The following RNF212B variants were observed in gnomAD, a reference collection of about 807,000 sequenced individuals.
RNF212B encodes the protein E3 ubiquitin-protein ligase RNF212B.
In RNF212B, 52 loss-of-function variants were observed where a neutral mutation model predicts 55.5. The ratio of observed to expected loss-of-function variants is 0.94; its 90% CI spans 0.75 to 1.18. The LOEUF is 1.18. RNF212B is among the 50% of genes most tolerant of loss of function. The pLI is 0.00. For missense variants in RNF212B, 289 were observed against 350.4 expected, an observed-to-expected ratio of 0.82 and a Z score of 1.40; for synonymous variants, 99 against 121.4, an observed-to-expected ratio of 0.82 and a Z score of 1.21.
intron 2 of RNF212B, among the ~76,000 whole-genome samples, chr14:23,209,916 G>A (rs186744014): frequency 3.1e-4 from 47 of 152,278 alleles, no homozygotes; most frequent in African/African-American, 1.1e-3. Context: ...ACTTTGGGAG[G>A]CCGAGGTGGG....
At chr14:23,263,021 A>C in intron 9 of RNF212B, 51 bp downstream of exon 9, 1 of 1,444,488 alleles carries the variant, frequency 6.9e-7, no homozygotes, top group Non-Finnish European at 9.5e-7. Flanking sequence ...GGAAGATAGA[A>C]GAAATATCTA....
intron 1 of RNF212B, among the ~76,000 whole-genome samples, chr14:23,240,025 C>T (rs1407360138): frequency 6.9e-6 from 1 of 144,984 alleles, no homozygotes; most frequent in Non-Finnish European, 1.5e-5. Context: ...CACTCATAAC[C>T]TCACCACTCA....
chr14:23,202,023 G>A (rs928607265), intron 2 of RNF212B, among the ~76,000 whole-genome samples: 1 of 152,090 alleles, frequency 6.6e-6, no homozygotes, highest in East Asian at 1.9e-4. Flanking sequence ...GGCCGAGGTG[G>A]GTGGACTGCT....
At chr14:23,189,335 G>T (rs1877893813) in intron 1 of RNF212B, among the ~76,000 whole-genome samples, 1 of 152,102 alleles carries the variant, frequency 6.6e-6, no homozygotes, top group Non-Finnish European at 1.5e-5. Flanking sequence ...AAATGAATGT[G>T]CTGTCTGTGT....
chr14:23,223,150 C>T (rs8017619), intron 2 of RNF212B, among the ~76,000 whole-genome samples: 8,680 of 151,712 alleles, frequency 0.057, 296 homozygotes, highest in South Asian at 0.076. Flanking sequence ...AATCAATATA[C>T]GTCGTACATC....
intron 2 of RNF212B, among the ~76,000 whole-genome samples, chr14:23,226,276 G>A (rs181293362): frequency 0.01 from 1,271 of 124,266 alleles, 24 homozygotes; most frequent in African/African-American, 0.036. Context: ...TAGCCTGGGC[G>A]ACAGAGCAAG....
intron 6 of RNF212B, 129 bp from the exon 7 acceptor site, chr14:23,260,530 T>C: frequency 1.3e-6 from 1 of 781,974 alleles, no homozygotes; most frequent in Non-Finnish European, 2.2e-6. Flanking sequence ...CTACTTTTCC[T>C]CCTACTGGGA....
chr14:23,224,776 T>A (rs878868591), intron 2 of RNF212B, among the ~76,000 whole-genome samples: 2 of 152,168 alleles, frequency 1.3e-5, no homozygotes, highest in African/African-American at 4.8e-5. Context: ...GTTAAAAAGC[T>A]TCTGCACAGC....
chr14:23,208,663 G>C (rs1880100042), intron 2 of RNF212B, among the ~76,000 whole-genome samples: 1 of 151,784 alleles, frequency 6.6e-6, no homozygotes, highest in Non-Finnish European at 1.5e-5. Context: ...GGGTGAGTCT[G>C]CAGTGCAAAG....
chr14:23,226,658 A>G (rs1230271809), intron 2 of RNF212B, among the ~76,000 whole-genome samples: 2 of 151,926 alleles, frequency 1.3e-5, no homozygotes, highest in African/African-American at 4.8e-5. Context: ...AAAAGGGGAC[A>G]CGGAAAACCG....
At chr14:23,186,999 C>G (rs753075947) in intron 1 of RNF212B, among the ~76,000 whole-genome samples, 26 of 152,198 alleles carry the variant, frequency 1.7e-4, no homozygotes, top group Non-Finnish European at 3.4e-4. Context: ...TAACACTTAT[C>G]TGCTCAGTGA....
chr14:23,195,970 G>T (rs1010535289), intron 2 of RNF212B, among the ~76,000 whole-genome samples: 1 of 152,092 alleles, frequency 6.6e-6, no homozygotes, highest in Non-Finnish European at 1.5e-5. Flanking sequence ...TCTTTTCACT[G>T]TGCCACGGGA....
In RNF212B at chr14:23,219,477, G is replaced by GTT. The variant is rs149486751; in HGVS notation, c.-1-20855_-1-20854dup. The stretch of plus-strand genomic sequence containing the variant: ...TAGCGCTCTCCTTCTTCTCCTTCTA[G>GTT]TTTTTTTTTTTTTTGAGACAGTCTC... On this transcript the variant is annotated intron_variant, in intron 2 of 15. Transcript: ENST00000399910. 8.8e-4 allele frequency among the ~76,000 whole-genome samples: 127 copies of GTT among 145,106 alleles called. 1 individual carries two copies. The highest frequency in any genetic ancestry group is 1.3e-3 in the Non-Finnish European group (88 of 65,892).
At chr14:23,256,555 A>T (rs955141120) in intron 4 of RNF212B, among the ~76,000 whole-genome samples, 5 of 152,146 alleles carry the variant, frequency 3.3e-5, no homozygotes, top group Admixed American at 1.3e-4. Flanking sequence ...CATTTTTAAT[A>T]GAGACGGGGT....
rs559970582 is a variant in RNF212B at position 23,225,651 on chromosome 14, G to A, written c.-1-14694G>A. Among the ~76,000 whole-genome samples the A allele has an allele frequency of 7.9e-5, 12 of 152,092 alleles. No homozygotes were observed. In the South Asian group the frequency reaches 1.5e-3, roughly 18 times the overall value. ...GAATAGAAGGATGGTTATTAGAGGC[G>A]GGGAAGGGTAGTGGGGATGGGGTGG... On this transcript the variant is annotated intron_variant, in intron 2 of 15. Transcript: ENST00000399910.
chr14:23,258,498 A>C, intron 4 of RNF212B, 51 bp from the exon 5 acceptor site: 1 of 827,188 alleles, frequency 1.2e-6, no homozygotes, highest in Non-Finnish European at 1.9e-6. Flanking sequence ...CCAGAAGTGA[A>C]GGGAAAGGAG....
Position 23,240,354 on chromosome 14 carries a change from G to T in RNF212B, c.9G>T (p.Trp3Cys). MDWFHCNQCFRKD... is the reference protein window; with the variant it reads MDCFHCNQCFRKD... ...TCTTTATCTGCTCCAGAATGGATTGGTTTCATTGCAACCAGTGCTTCCGAA... is the reference window on the plus strand; with the variant it reads ...TCTTTATCTGCTCCAGAATGGATTGTTTTCATTGCAACCAGTGCTTCCGAA... The change falls in exon 2 of 15, where the codon TGG (tryptophan) becomes TGT (cysteine). Residue 3 changes from tryptophan to cysteine, a missense_variant. Transcript: ENST00000430154. 3 of 1,548,212 alleles carry T rather than the reference G, an allele frequency of 1.9e-6. No individual in the cohort carries two copies. The highest frequency in any genetic ancestry group is 2.6e-6 in the Non-Finnish European group (3 of 1,145,026).
intron 2 of RNF212B, among the ~76,000 whole-genome samples, chr14:23,194,955 G>T (rs755855643): frequency 6.6e-6 from 1 of 152,066 alleles, no homozygotes; most frequent in Non-Finnish European, 1.5e-5. Context: ...AAATTTCAAA[G>T]ATGTGAAATC....
In RNF212B at chr14:23,191,479, A is replaced by AATG. The variant is rs1241672080; in HGVS notation, c.-78-1845_-78-1843dup. On this transcript the variant is annotated intron_variant, in intron 1 of 15. Coordinates refer to the RNF212B transcript ENST00000399910. ...GTTCCTTGTTTGTCTTTCCTATTAA[A>AATG]ATGTAAGCTCTGAACTATTGATGTT... Among the ~76,000 whole-genome samples the AATG allele has an allele frequency of 2.0e-5, 3 of 151,542 alleles. No individual in the cohort carries two copies. The East Asian group carries it at 5.8e-4, about 29-fold the overall frequency.
Sources: allele counts gnomAD v4.1 joint callset (sites outside exome capture counted in the v4.1 genomes callset), GRCh38; gene constraint gnomAD v4.1.1; transcripts MANE v1.5; gene names NCBI Gene and HGNC (gene_info 2026-07-23, HGNC 2026-07-21).